Variants in ZNF169 observed in about 807,000 individuals in gnomAD.
The protein encoded by ZNF169 is zinc finger protein 169.
A neutral mutation model predicts 12.0 loss-of-function variants in ZNF169; 11 were observed. The ratio of observed to expected loss-of-function variants is 0.92; its 90% CI spans 0.58 to 1.52. The LOEUF is 1.52. Among genes scored for constraint, ZNF169 ranks in the 40% most tolerant of loss-of-function variants. The pLI, the probability that ZNF169 is intolerant of heterozygous loss-of-function variation, is 0.00. For missense variants in ZNF169, 722 were observed against 744.0 expected, an observed-to-expected ratio of 0.97 and a Z score of 0.34; for synonymous variants, 302 against 286.5, an observed-to-expected ratio of 1.05 and a Z score of -0.55.
intron 1 of ZNF169, among the ~76,000 whole-genome samples, chr9:94,260,323 G>A (rs1196194228): frequency 6.6e-6 from 1 of 152,244 alleles, no homozygotes; most frequent in African/African-American, 2.4e-5. Context: ...AAAGTACTGG[G>A]ATTACAGGCG....
chr9:94,267,568 C>A (rs536181464), intron 1 of ZNF169, among the ~76,000 whole-genome samples: 1 of 152,174 alleles, frequency 6.6e-6, no homozygotes, highest in Non-Finnish European at 1.5e-5. Context: ...TGTTCATGGG[C>A]ATACACTTAA....
Position 94,300,261 on chromosome 9 carries a change from G to A in ZNF169, c.703G>A (p.Val235Met), listed in dbSNP as rs755149626. The A allele has an allele frequency of 6.2e-7, 1 of 1,614,238 alleles. No homozygotes were observed. The highest frequency in any genetic ancestry group is 8.5e-7 in the Non-Finnish European group (1 of 1,180,030). ...SSLFSHQKHH[V>M]CPECGRGFCQ... Reference sequence around the variant, plus strand: ...CCTGTTCAGCCACCAGAAGCATCATGTGTGCCCTGAATGCGGGAGAGGCTT... The same window carrying A: ...CCTGTTCAGCCACCAGAAGCATCATATGTGCCCTGAATGCGGGAGAGGCTT... Residue 235 changes from valine to methionine, a missense_variant, in exon 5 of 5, where the codon GTG becomes ATG. Val to Met is a conservative substitution (Grantham distance 21). Transcript: ENST00000395395.
At position 94,300,087 on chromosome 9, in the gene ZNF169, G is replaced by C. The variant is rs1327156478; in HGVS notation, c.529G>C (p.Glu177Gln). The change falls in exon 5 of 5, where the codon GAA becomes CAA. Residue 177 changes from glutamate to glutamine, a missense_variant. Transcript: ENST00000395395. ...TCAAGGTGACCCAGTAGAATGGGTA[G>C]AAGGGAACAGAGAAGGAGGAACAGA... ...PHQGDPVEWV[E>Q]GNREGGTDLR... is the part of the protein sequence containing the mutation. 6.2e-7 allele frequency: 1 copy of C among 1,614,176 alleles called. No homozygotes were observed. The highest frequency in any genetic ancestry group is 8.5e-7 in the Non-Finnish European group (1 of 1,180,030).
chr9:94,276,840 G>T (rs1318641334), intron 1 of ZNF169, among the ~76,000 whole-genome samples: 1 of 152,096 alleles, frequency 6.6e-6, no homozygotes, highest in South Asian at 2.1e-4. Context: ...ACCACAGAAC[G>T]TTTGTATCAT....
intron 1 of ZNF169, among the ~76,000 whole-genome samples, chr9:94,267,753 G>A (rs1366008676): frequency 1.3e-5 from 2 of 151,948 alleles, no homozygotes; most frequent in Non-Finnish European, 2.9e-5. Context: ...AGCTCTTCAC[G>A]AGTCCTGAAC....
At chr9:94,271,860 T>C (rs1230126173) in intron 1 of ZNF169, among the ~76,000 whole-genome samples, 3 of 152,140 alleles carry the variant, frequency 2.0e-5, no homozygotes, top group Non-Finnish European at 2.9e-5. Flanking sequence ...GTGTATGGCT[T>C]TGTCAGGTTT....
intron 2 of ZNF169, among the ~76,000 whole-genome samples, chr9:94,282,815 C>T (rs1830664351): frequency 6.6e-6 from 1 of 152,120 alleles, no homozygotes; most frequent in Admixed American, 6.5e-5. Flanking sequence ...TAGGGGTTCA[C>T]TCCTCATTGG....
chr9:94,290,562 C>T (rs1830809222), intron 2 of ZNF169, among the ~76,000 whole-genome samples: 1 of 152,194 alleles, frequency 6.6e-6, no homozygotes, highest in South Asian at 2.1e-4. Flanking sequence ...TAAAAACGTC[C>T]ATCAGAAAAG....
At chr9:94,291,109 T>C (rs1277610146) in intron 2 of ZNF169, among the ~76,000 whole-genome samples, 1 of 137,978 alleles carries the variant, frequency 7.2e-6, no homozygotes, top group Non-Finnish European at 1.5e-5. Flanking sequence ...GGCTGGAGTG[T>C]AGTGGTGTAA....
intron 1 of ZNF169, among the ~76,000 whole-genome samples, chr9:94,272,876 T>C (rs1177392634): frequency 6.6e-6 from 1 of 152,108 alleles, no homozygotes; most frequent in Non-Finnish European, 1.5e-5. Flanking sequence ...TTAACACTTA[T>C]TTTCTGTTTT....
chr9:94,264,594 T>C (rs1007712202), intron 1 of ZNF169, among the ~76,000 whole-genome samples: 5 of 152,260 alleles, frequency 3.3e-5, no homozygotes, highest in Admixed American at 1.3e-4. Context: ...AGGGCAGGTC[T>C]GCTGACGATA....
intron 4 of ZNF169, 199 bp downstream of exon 4, chr9:94,293,268 C>A: frequency 1.6e-6 from 1 of 606,312 alleles, no homozygotes; most frequent in Non-Finnish European, 2.9e-6. Flanking sequence ...CATTCCATCT[C>A]CTTCCTCCAT....
At chr9:94,268,386 G>A (rs1216030352) in intron 1 of ZNF169, among the ~76,000 whole-genome samples, 1 of 152,102 alleles carries the variant, frequency 6.6e-6, no homozygotes, top group Admixed American at 6.6e-5. Context: ...TACCAACAAT[G>A]TATTTATACA....
intron 4 of ZNF169, among the ~76,000 whole-genome samples, chr9:94,296,502 G>T (rs906490436): frequency 2.6e-5 from 4 of 151,896 alleles, no homozygotes; most frequent in African/African-American, 9.7e-5. Context: ...ATTACATTTA[G>T]GTCTATAAGC....
At chr9:94,290,464 A>G (rs1392175211) in intron 2 of ZNF169, among the ~76,000 whole-genome samples, 2 of 151,816 alleles carry the variant, frequency 1.3e-5, no homozygotes, top group Non-Finnish European at 2.9e-5. Flanking sequence ...GAATTTGCCT[A>G]TTCTAGGTAC....
chr9:94,265,309 G>A (rs1270282974), intron 1 of ZNF169, among the ~76,000 whole-genome samples: 1 of 152,130 alleles, frequency 6.6e-6, no homozygotes, highest in Non-Finnish European at 1.5e-5. Flanking sequence ...GCCAGGCGCA[G>A]TGGCTCATGT....
At chr9:94,285,833 A>T (rs1287612679) in intron 2 of ZNF169, among the ~76,000 whole-genome samples, 1 of 152,046 alleles carries the variant, frequency 6.6e-6, no homozygotes, top group Non-Finnish European at 1.5e-5. Context: ...AACATGGAGA[A>T]CGTCGTCTCT....
chr9:94,286,078 T>A (rs1457891821), intron 2 of ZNF169, among the ~76,000 whole-genome samples: 1 of 152,166 alleles, frequency 6.6e-6, no homozygotes, highest in Non-Finnish European at 1.5e-5. Flanking sequence ...GGACACTTGC[T>A]TTCTTTATGA....
chr9:94,270,684 AT>A (rs1830374586), intron 1 of ZNF169, among the ~76,000 whole-genome samples: 1 of 66,776 alleles, frequency 1.5e-5, no homozygotes, highest in African/African-American at 4.6e-5. Context: ...ATAAATATAT[AT>A]AAATATATAA....
Sources: gnomAD v4.1 joint callset for allele counts (sites outside exome capture counted in the v4.1 genomes callset) on GRCh38, gnomAD v4.1.1 for gene constraint, MANE v1.5 for transcripts, NCBI Gene and HGNC (gene_info 2026-07-23, HGNC 2026-07-21) for gene names.